Variants in SLC7A7 observed in about 807,000 individuals in gnomAD.
SLC7A7 encodes Y+L amino acid transporter 1.
A neutral mutation model predicts 47.9 loss-of-function variants in SLC7A7; 39 were observed. The ratio of observed to expected loss-of-function variants is 0.81; its 90% CI spans 0.63 to 1.06. The LOEUF is 1.06. SLC7A7 is among the 50% of genes least tolerant of loss of function. SLC7A7 has a pLI of 0.00. For missense variants in SLC7A7, 588 were observed against 632.0 expected, an observed-to-expected ratio of 0.93 and a Z score of 0.75; for synonymous variants, 234 against 242.8, an observed-to-expected ratio of 0.96 and a Z score of 0.34.
chr14:22,805,184 G>A (rs1291752808), intron 2 of SLC7A7, among the ~76,000 whole-genome samples: 2 of 152,146 alleles, frequency 1.3e-5, no homozygotes, highest in Non-Finnish European at 2.9e-5. Context: ...TGGCCAAGAT[G>A]GGGAAACTCC....
chr14:22,805,524 A>G (rs1049555106), intron 2 of SLC7A7, among the ~76,000 whole-genome samples: 1 of 152,210 alleles, frequency 6.6e-6, no homozygotes, highest in Admixed American at 6.5e-5. Context: ...CAGAAAACCA[A>G]ACACCAAATG....
At chr14:22,819,409 TA>T (rs35921867), upstream of SLC7A7, among the ~76,000 whole-genome samples, 60,712 of 140,498 alleles carry the variant, frequency 0.43, 12,570 homozygotes, top group South Asian at 0.53. Flanking sequence ...ACAGTCTCTT[TA>T]AAAAAAAAAA....
intron 2 of SLC7A7, among the ~76,000 whole-genome samples, chr14:22,810,419 G>A (rs1355566815): frequency 3.6e-5 from 5 of 139,008 alleles, no homozygotes; most frequent in Admixed American, 3.1e-4. Context: ...CCAAGATCAC[G>A]CCATTGCATT....
intron 2 of SLC7A7, among the ~76,000 whole-genome samples, chr14:22,809,404 G>A (rs534869050): frequency 2.7e-5 from 4 of 145,622 alleles, no homozygotes; most frequent in Admixed American, 6.9e-5. Context: ...GCAATGGCGC[G>A]ATCTCTGCTC....
At chr14:22,788,451 T>C (rs1010538976) in intron 2 of SLC7A7, among the ~76,000 whole-genome samples, 15 of 152,240 alleles carry the variant, frequency 9.9e-5, no homozygotes, top group African/African-American at 3.6e-4. Context: ...CAATCTGTAA[T>C]CCTAGCACGT....
intron 7 of SLC7A7, 75 bp from the exon 8 acceptor site, chr14:22,774,578 C>T: frequency 6.3e-7 from 1 of 1,590,494 alleles, no homozygotes; most frequent in Non-Finnish European, 8.6e-7. Flanking sequence ...CTTTATACCC[C>T]AGAAATCCAT....
Position 22,774,394 on chromosome 14 carries a change from T to C in SLC7A7, c.1205A>G (p.Tyr402Cys). ...TCGATCAGGCTCCTTCCAGCGCAGATAAAGCTGACCCACAATAGAAAGCCC... is the reference window on the plus strand; with the variant it reads ...TCGATCAGGCTCCTTCCAGCGCAGACAAAGCTGACCCACAATAGAAAGCCC... The part of the protein sequence containing the change: ...FVGLSIVGQL[Y>C]LRWKEPDRPR... The change falls in exon 8 of 10, where the codon TAT (tyrosine) becomes TGT (cysteine). Residue 402 changes from tyrosine to cysteine, a missense_variant. Transcript: ENST00000674313. 6.2e-7 allele frequency: 1 copy of C among 1,614,078 alleles called. No homozygotes were observed. Among genetic ancestry groups the C allele is most frequent in the Non-Finnish European group, 8.5e-7 (1 of 1,180,012 alleles).
chr14:22,818,035 A>AG (rs1349670101), upstream of SLC7A7, among the ~76,000 whole-genome samples: 1 of 151,882 alleles, frequency 6.6e-6, no homozygotes, highest in Admixed American at 6.6e-5. Flanking sequence ...AAAAAAAAAA[A>AG]CACAAACACA....
chr14:22,815,594 C>G (rs567045955), upstream of SLC7A7: 42 of 454,088 alleles, frequency 9.2e-5, no homozygotes, highest in African/African-American at 8.4e-4. Flanking sequence ...GCTAGGAGCT[C>G]TTGGCTCAGC....
intron 2 of SLC7A7, among the ~76,000 whole-genome samples, chr14:22,799,176 T>A (rs2039066754): frequency 6.6e-6 from 1 of 152,186 alleles, no homozygotes; most frequent in African/African-American, 2.4e-5. Flanking sequence ...TCCAATCAAC[T>A]ATACTCAATC....
At chr14:22,787,868 T>C (rs1019841341) in intron 2 of SLC7A7, among the ~76,000 whole-genome samples, 2 of 151,882 alleles carry the variant, frequency 1.3e-5, no homozygotes, top group Non-Finnish European at 2.9e-5. Context: ...GGTCAGGAGA[T>C]CGAGACCATC....
Position 22,773,762 on chromosome 14 carries a change from C to T in SLC7A7, c.1430-46G>A, listed in dbSNP as rs1475063636. On this transcript the variant is annotated intron_variant, in intron 9 of 9. Transcript: ENST00000674313. ...TGGAATTGAGAAGAGGTCAGCTGGGCTGAGTTCAAGTGTCACTGAATGGAA... is the reference window on the plus strand; with the variant it reads ...TGGAATTGAGAAGAGGTCAGCTGGGTTGAGTTCAAGTGTCACTGAATGGAA... The T allele has an allele frequency of 3.1e-6, 5 of 1,596,396 alleles. No homozygotes were observed. The African/African-American group carries it at 5.4e-5, about 17-fold the overall frequency.
intron 2 of SLC7A7, among the ~76,000 whole-genome samples, chr14:22,807,560 C>G (rs1345493227): frequency 6.6e-6 from 1 of 151,776 alleles, no homozygotes; most frequent in Admixed American, 6.6e-5. Context: ...AGCAAGAACC[C>G]CCATCTCTAA....
intron 2 of SLC7A7, among the ~76,000 whole-genome samples, chr14:22,809,171 T>TTTTTG (rs761772102): frequency 6.6e-5 from 10 of 152,294 alleles, no homozygotes; most frequent in Admixed American, 4.6e-4. Context: ...GCATGTATTC[T>TTTTTG]TTTTGTTTTG....
At position 22,773,497 on chromosome 14, in the gene SLC7A7, G is replaced by T; in HGVS notation, c.*113C>A. On this transcript the variant is annotated 3_prime_UTR_variant, in exon 10 of 10. Transcript: ENST00000674313. ...AAGTTCAAAGGTTGAAGCTGCCTAG[G>T]CCAGGCTTCTGGACAGGTGCCTCCA... 1 of 863,646 alleles carries T rather than the reference G, an allele frequency of 1.2e-6. No individual in the cohort carries two copies. Among genetic ancestry groups the T allele is most frequent in the Non-Finnish European group, 2.0e-6 (1 of 510,272 alleles). The allele number at this position is 863,646 out of a possible 1,614,324, so 53.5% of individuals were successfully genotyped here. A position where few individuals can be genotyped will look rare whatever the true frequency, so the allele number is the denominator to read the frequency against.
chr14:22,795,453 T>TTTC (rs1566453924), intron 2 of SLC7A7, among the ~76,000 whole-genome samples: 341 of 75,102 alleles, frequency 4.5e-3, no homozygotes, highest in Non-Finnish European at 6.2e-3. Context: ...TTTTCTATTC[T>TTTC]TTTCTTTTCT....
At position 22,786,941 on chromosome 14, in the gene SLC7A7, C is replaced by CA. The variant is rs1378229340; in HGVS notation, c.500-6891dup. On this transcript the variant is annotated intron_variant, in intron 2 of 9. Coordinates refer to ENST00000674313, the MANE Select transcript of SLC7A7 (RefSeq NM_003982.4). ...ACACAGTAAGATCCTTTCTCCAAAA[C>CA]AAAAAAAGTGATTTTTTCCCCCCAG... Among the ~76,000 whole-genome samples, 29 of 151,986 alleles carry CA rather than the reference C, an allele frequency of 1.9e-4. 1 individual carries two copies. The East Asian group carries it at 2.5e-3, about 13-fold the overall frequency.
chr14:22,796,943 G>T (rs777233566), intron 2 of SLC7A7, among the ~76,000 whole-genome samples: 2 of 152,122 alleles, frequency 1.3e-5, no homozygotes, highest in Admixed American at 1.3e-4. Flanking sequence ...GACAGCATGC[G>T]GAAGGTAAAG....
intron 2 of SLC7A7, among the ~76,000 whole-genome samples, chr14:22,803,827 T>C (rs1043893716): frequency 6.6e-6 from 1 of 152,290 alleles, no homozygotes; most frequent in East Asian, 1.9e-4. Context: ...CTGCCACATA[T>C]ACATGTTTAA....
Sources: allele counts gnomAD v4.1 joint callset (sites outside exome capture counted in the v4.1 genomes callset), GRCh38; gene constraint gnomAD v4.1.1; transcripts MANE v1.5; gene names NCBI Gene and HGNC (gene_info 2026-07-23, HGNC 2026-07-21).